Variants in C17orf50 observed in about 807,000 individuals in gnomAD.
C17orf50 encodes the protein uncharacterized protein C17orf50.
A neutral mutation model predicts 17.7 loss-of-function variants in C17orf50; 16 were observed. The observed-to-expected ratio is 0.90, with a 90% CI of 0.61 to 1.37. C17orf50 has a LOEUF of 1.37. Among genes scored for constraint, C17orf50 ranks in the 40% most tolerant of loss-of-function variants. The pLI is 0.00. For synonymous variants in C17orf50, 125 were observed against 111.0 expected (o/e 1.13, Z -0.80); for missense variants, 271 against 240.7 (o/e 1.13, Z -0.83).
Position 35,764,639 on chromosome 17 carries a change from TG to T in C17orf50, c.*22del. 6.4e-7 allele frequency: 1 copy of T among 1,551,632 alleles called. No homozygotes were observed. Among genetic ancestry groups the T allele is most frequent in the Non-Finnish European group, 8.6e-7 (1 of 1,158,254 alleles). On this transcript the variant is annotated 3_prime_UTR_variant, in exon 3 of 3. Coordinates refer to ENST00000605587, the MANE Select transcript of C17orf50 (RefSeq NM_145272.4). ...CCTGAGCGCCCCCGCTCCCAGCCTTTGTGCCCTCCATCATTTCCTGGCCCCA... is the reference window on the plus strand; with the variant it reads ...CCTGAGCGCCCCCGCTCCCAGCCTTTTGCCCTCCATCATTTCCTGGCCCCA...
At chr17:35,763,362 G>A (rs1452446664) in intron 1 of C17orf50, among the ~76,000 whole-genome samples, 1 of 151,102 alleles carries the variant, frequency 6.6e-6, no homozygotes, top group Non-Finnish European at 1.5e-5. Flanking sequence ...CCATAGCCTC[G>A]ACTTCCCTAG....
At position 35,764,157 on chromosome 17, in the gene C17orf50, G is replaced by A. The variant is rs1555602148; in HGVS notation, c.164G>A (p.Arg55Gln). 1.3e-6 allele frequency: 2 copies of A among 1,549,090 alleles called. No homozygotes were observed. The highest frequency in any genetic ancestry group is 2.0e-5 in the Admixed American group (1 of 50,984). ...DSATEGEEPP[R>Q]VAEEGEGRER... ...GCGACGGAGGGCGAGGAGCCGCCGC[G>A]GGTAGCGGAGGAGGGCGAAGGCCGC... Residue 55 changes from arginine to glutamine, a missense_variant, in exon 2 of 3, where the codon CGG (arginine) becomes CAG (glutamine). Transcript: ENST00000605587.
In C17orf50 at chr17:35,764,626, C is replaced by G. The variant is rs1198832838; in HGVS notation, c.*8C>G. The G allele has an allele frequency of 1.9e-6, 3 of 1,566,594 alleles. No homozygotes were observed. Among genetic ancestry groups the G allele is most frequent in the Non-Finnish European group, 2.6e-6 (3 of 1,163,960 alleles). On this transcript the variant is annotated 3_prime_UTR_variant, in exon 3 of 3. Transcript: ENST00000605587. Reference sequence around the variant, plus strand: ...GCCGCTGGGAACTCCTGAGCGCCCCCGCTCCCAGCCTTTGTGCCCTCCATC... The same window carrying G: ...GCCGCTGGGAACTCCTGAGCGCCCCGGCTCCCAGCCTTTGTGCCCTCCATC...
At chr17:35,763,841 G>A (rs2085873573) in intron 1 of C17orf50, 166 bp from the exon 2 acceptor site, 1 of 477,446 alleles carries the variant, frequency 2.1e-6, no homozygotes, top group Non-Finnish European at 3.1e-6. Flanking sequence ...AGGTTGCAGT[G>A]AGCAGAGATC....
Position 35,764,082 on chromosome 17 carries a change from AG to A in C17orf50, c.93del (p.Ser32ArgfsTer25). 1 of 1,550,250 alleles carries A rather than the reference AG, an allele frequency of 6.5e-7. No homozygotes were observed. Among genetic ancestry groups the A allele is most frequent in the South Asian group, 1.2e-5 (1 of 83,996 alleles). ...GACGCGGAGCAAGAGGAAGGGAAGG[AG>A]GGGTCGGAGGACGAGGACGAGGACA... is the stretch of plus-strand genomic sequence containing the variant. ...AEDAEQEEGK[E>X]GSEDEDEDNQ... On this transcript the variant is annotated frameshift_variant, in exon 2 of 3. Transcript: ENST00000605587. LOFTEE classifies it high-confidence loss of function.
intron 1 of C17orf50, among the ~76,000 whole-genome samples, chr17:35,761,552 T>G (rs2085821387): frequency 6.6e-6 from 1 of 152,172 alleles, no homozygotes; most frequent in Admixed American, 6.5e-5. Flanking sequence ...GTGCTGGGAT[T>G]ACAGGTGTGA....
chr17:35,764,438 C>T lies in C17orf50; in HGVS notation c.345C>T (p.Leu115=), dbSNP rs587726013. 1.7e-4 allele frequency: 265 copies of T among 1,547,108 alleles called. 3 individuals are homozygous for T. In the African/African-American group the frequency reaches 2.6e-3, roughly 15 times the overall value. ...TCCCCGCCGGCAGGAAGCGGAGCCT[C>T]CCGGAGGAGCCGTGCGTGCTGGAGA... ...LTAPTDRKRS[L]PEEPCVLEIR... Residue 115 remains leucine, a synonymous_variant, in exon 3 of 3, where the codon CTC becomes CTT. Coordinates refer to ENST00000605587, the MANE Select transcript of C17orf50 (RefSeq NM_145272.4).
chr17:35,764,285 C>T lies in C17orf50; in HGVS notation c.292C>T (p.Pro98Ser). The T allele has an allele frequency of 6.5e-7, 1 of 1,526,974 alleles. No homozygotes were observed. The highest frequency in any genetic ancestry group is 8.8e-7 in the Non-Finnish European group (1 of 1,138,716). 94.6% of individuals were successfully genotyped at this position (1,526,974 alleles called of 1,614,324 possible). A position where few individuals can be genotyped will look rare whatever the true frequency, so the allele number is the denominator to read the frequency against. ...CAGCGGCTTCTGGGGCTGGCTCGGC[C>T]CCTTAGCGCTGCTGGGCGGCCTAAC... ...ADSGFWGWLG[P>S]LALLGGLTAP... The change falls in exon 2 of 3, where the codon CCC becomes TCC. Residue 98 changes from proline (P) to serine (S), a missense_variant. Physicochemically the swap from Pro to Ser is moderately conservative, Grantham distance 74 (BLOSUM62 -1). Coordinates refer to ENST00000605587, the MANE Select transcript of C17orf50 (RefSeq NM_145272.4).
chr17:35,762,896 C>T (rs754921751), intron 1 of C17orf50, among the ~76,000 whole-genome samples: 16 of 151,938 alleles, frequency 1.1e-4, no homozygotes, highest in Non-Finnish European at 2.2e-4. Flanking sequence ...GAGGCCGAGG[C>T]GGGCAGATCA....
chr17:35,764,717 C>T lies in C17orf50; in HGVS notation c.*99C>T, dbSNP rs989418319. On this transcript the variant is annotated 3_prime_UTR_variant, in exon 3 of 3. Coordinates refer to ENST00000605587, the MANE Select transcript of C17orf50 (RefSeq NM_145272.4). ...AGCGCGGAGCCCTCTTCGACGCATT[C>T]CGCAGGACCGCCCCTTCTCAGCTGC... 6.9e-6 allele frequency: 9 copies of T among 1,305,088 alleles called. No homozygotes were observed. The African/African-American group carries it at 1.4e-4, about 21-fold the overall frequency. 80.8% of individuals were successfully genotyped at this position (1,305,088 alleles called of 1,614,324 possible). A position where few individuals can be genotyped will look rare whatever the true frequency, so the allele number is the denominator to read the frequency against.
In C17orf50 at chr17:35,764,574, G is replaced by C. The variant is rs371809143; in HGVS notation, c.481G>C (p.Asp161His). ...AGCCTATGTGGCGCACTGCGTTCTG[G>C]ATCACCCGGATCTGGGTAAGGCGGG... ...HPAYVAHCVL[D>H]HPDLGKAGAA... Residue 161 changes from aspartate to histidine, a missense_variant, in exon 3 of 3, where the codon GAT becomes CAT. Transcript: ENST00000605587. 1 of 1,594,518 alleles carries C rather than the reference G, an allele frequency of 6.3e-7. No individual in the cohort carries two copies. The highest frequency in any genetic ancestry group is 1.4e-5 in the African/African-American group (1 of 72,416).
rs1555602101 is a variant in C17orf50 at position 35,764,071 on chromosome 17, G to A, written c.78G>A (p.Glu26=). The A allele has an allele frequency of 1.3e-6, 2 of 1,550,194 alleles. No homozygotes were observed. Among genetic ancestry groups the A allele is most frequent in the Admixed American group, 2.0e-5 (1 of 50,980 alleles). The change falls in exon 2 of 3, where the codon GAG becomes GAA. Residue 26 remains glutamate, a synonymous_variant. Transcript: ENST00000605587. ...EELRAEDAEQ[E]EGKEGSEDED... is the part of the protein sequence containing the mutation. ...TCCGGGCCGAGGACGCGGAGCAAGAGGAAGGGAAGGAGGGGTCGGAGGACG... is the reference window on the plus strand; with the variant it reads ...TCCGGGCCGAGGACGCGGAGCAAGAAGAAGGGAAGGAGGGGTCGGAGGACG...
intron 1 of C17orf50, among the ~76,000 whole-genome samples, 184 bp downstream of exon 1, chr17:35,761,138 C>G (rs1448010436): frequency 7.1e-6 from 1 of 140,710 alleles, no homozygotes; most frequent in Non-Finnish European, 1.5e-5. Context: ...GAGTCTTGCT[C>G]TATCACCCAG....
intron 1 of C17orf50, among the ~76,000 whole-genome samples, chr17:35,763,085 G>A (rs2085855470): frequency 6.7e-6 from 1 of 149,430 alleles, no homozygotes; most frequent in Non-Finnish European, 1.5e-5. Context: ...TGGCACCACT[G>A]CACTCCAGCC....
intron 1 of C17orf50, among the ~76,000 whole-genome samples, chr17:35,763,796 C>G (rs2085872596): frequency 6.6e-6 from 1 of 151,826 alleles, no homozygotes; most frequent in Non-Finnish European, 1.5e-5. Flanking sequence ...ACTTGGGAGG[C>G]TGAGGCAAAA....
intron 1 of C17orf50, 42 bp from the exon 2 acceptor site, chr17:35,763,965 T>C (rs2085878690): frequency 7.2e-7 from 1 of 1,395,660 alleles, no homozygotes; most frequent in Non-Finnish European, 9.3e-7. Context: ...GGACCCTTTC[T>C]CGGGGACAGC....
intron 2 of C17orf50, 32 bp from the exon 3 acceptor site, chr17:35,764,394 C>T (rs1555602272): frequency 8.7e-6 from 13 of 1,502,446 alleles, no homozygotes; most frequent in East Asian, 7.8e-5. Flanking sequence ...AGGGGCTGCC[C>T]CAGGCACTGA....
rs2085884563 is a variant in C17orf50 at position 35,764,168 on chromosome 17, G to A, written c.175G>A (p.Glu59Lys). Residue 59 changes from glutamate (E) to lysine (K), a missense_variant, in exon 2 of 3, where the codon GAG (glutamate) becomes AAG (lysine). Physicochemically the swap from Glu to Lys is moderately conservative, Grantham distance 56 (BLOSUM62 1). Transcript: ENST00000605587. ...EGEEPPRVAE[E>K]GEGRERRSVS... Reference sequence around the variant, plus strand: ...CGAGGAGCCGCCGCGGGTAGCGGAGGAGGGCGAAGGCCGCGAGCGGCGCTC... The same window carrying A: ...CGAGGAGCCGCCGCGGGTAGCGGAGAAGGGCGAAGGCCGCGAGCGGCGCTC... 1.3e-6 allele frequency: 2 copies of A among 1,548,630 alleles called. No individual in the cohort carries two copies. The highest frequency in any genetic ancestry group is 1.7e-6 in the Non-Finnish European group (2 of 1,146,688).
At position 35,764,125 on chromosome 17, in the gene C17orf50, G is replaced by A. The variant is rs782559389; in HGVS notation, c.132G>A (p.Glu44=). The A allele has an allele frequency of 6.5e-7, 1 of 1,549,894 alleles. No homozygotes were observed. Among genetic ancestry groups the A allele is most frequent in the Non-Finnish European group, 8.7e-7 (1 of 1,146,818 alleles). The change falls in exon 2 of 3, where the codon GAG becomes GAA. Residue 44 remains glutamate (E), a synonymous_variant. Coordinates refer to ENST00000605587, the MANE Select transcript of C17orf50 (RefSeq NM_145272.4). ...DEDEDNQRPL[E]DSATEGEEPP... The stretch of plus-strand genomic sequence containing the variant: ...ACGAGGACAACCAGAGGCCGCTGGA[G>A]GACAGCGCGACGGAGGGCGAGGAGC...
Sources: gnomAD v4.1 joint callset for allele counts (sites outside exome capture counted in the v4.1 genomes callset) on GRCh38, gnomAD v4.1.1 for gene constraint, MANE v1.5 for transcripts, NCBI Gene and HGNC (gene_info 2026-07-23, HGNC 2026-07-21) for gene names.